Variants in TPTE observed in about 807,000 individuals in gnomAD.
TPTE encodes the protein putative tyrosine-protein phosphatase TPTE.
In TPTE, 59 loss-of-function variants were observed where a neutral mutation model predicts 84.1. The observed-to-expected ratio is 0.70, with a 90% CI of 0.57 to 0.87. The LOEUF (loss-of-function observed/expected upper bound fraction) is 0.87. Ranked by LOEUF, TPTE falls within the 40% of genes least tolerant of loss-of-function variation. The pLI, the probability that TPTE is intolerant of heterozygous loss-of-function variation, is 0.00. For synonymous variants in TPTE, 130 were observed against 223.5 expected (o/e 0.58, Z 3.73); for missense variants, 382 against 659.6 (o/e 0.58, Z 4.61).
intron 15 of TPTE, 152 bp from the exon 16 acceptor site, chr21:10,578,185 C>G: frequency 7.8e-7 from 1 of 1,285,892 alleles, no homozygotes; most frequent in Non-Finnish European, 1.1e-6. Flanking sequence ...TTTTGAAACG[C>G]TTGCGTTTAT....
chr21:10,605,526 A>G lies in TPTE; in HGVS notation c.1630A>G (p.Ser544Gly), dbSNP rs571598993. 3.2e-5 allele frequency: 52 copies of G among 1,613,958 alleles called. No individual in the cohort carries two copies. In the East Asian group the frequency reaches 1.1e-3, roughly 34 times the overall value. Residue 544 changes from serine (S) to glycine (G), a missense_variant, in exon 24 of 24, where the codon AGT becomes GGT. Ser to Gly is a moderately conservative substitution (Grantham distance 56, BLOSUM62 0). This residue lies in a region of TPTE where 120 missense variants were observed against 79.1 expected (regional missense o/e 1.52). Transcript: ENST00000618007. ...EILFGEKMTS[S>G]DVVAGSD ...ACTTTTTGGCGAGAAAATGACTTCCAGTGATGTTGTAGCTGGATCCGATTA... is the reference window on the plus strand; with the variant it reads ...ACTTTTTGGCGAGAAAATGACTTCCGGTGATGTTGTAGCTGGATCCGATTA...
intron 8 of TPTE, 137 bp downstream of exon 8, chr21:10,552,853 C>T (rs1310053004): frequency 6.9e-7 from 1 of 1,447,766 alleles, no homozygotes; most frequent in Non-Finnish European, 9.4e-7. Flanking sequence ...GGAGTGTACA[C>T]CGTATTTACT....
intron 17 of TPTE, among the ~76,000 whole-genome samples, chr21:10,583,776 A>G (rs2075310778): frequency 6.6e-6 from 1 of 152,312 alleles, no homozygotes; most frequent in African/African-American, 2.4e-5. Context: ...ATGGCTATCC[A>G]GTTATTCCAG....
intron 1 of TPTE, among the ~76,000 whole-genome samples, chr21:10,522,717 T>G (rs1175471834): frequency 1.3e-5 from 2 of 152,310 alleles, no homozygotes; most frequent in Non-Finnish European, 2.9e-5. Flanking sequence ...TGAAGTTTAT[T>G]TTTTCTTATA....
At chr21:10,522,591 A>T (rs545561465) in intron 1 of TPTE, among the ~76,000 whole-genome samples, 1 of 152,424 alleles carries the variant, frequency 6.6e-6, no homozygotes, top group South Asian at 2.1e-4. Context: ...TCTCTAATAG[A>T]TAGTGATGAT....
At chr21:10,594,563 C>T (rs1167579569) in intron 19 of TPTE, among the ~76,000 whole-genome samples, 1 of 152,312 alleles carries the variant, frequency 6.6e-6, no homozygotes, top group Admixed American at 6.5e-5. Flanking sequence ...AGCTTGAGGG[C>T]CCTGGTGGTT....
At chr21:10,534,936 T>C (rs1373702067) in intron 3 of TPTE, among the ~76,000 whole-genome samples, 2 of 152,392 alleles carry the variant, frequency 1.3e-5, no homozygotes, top group South Asian at 4.2e-4. Context: ...AGGGCTGCTT[T>C]AAAAAAGTAT....
intron 17 of TPTE, among the ~76,000 whole-genome samples, chr21:10,584,274 TG>T (rs2075322214): frequency 6.6e-6 from 1 of 151,962 alleles, no homozygotes; most frequent in African/African-American, 2.4e-5. Context: ...AAATGTTTTT[TG>T]TTGTTTTAAA....
intron 17 of TPTE, among the ~76,000 whole-genome samples, chr21:10,580,074 G>A (rs1194009373): frequency 1.3e-5 from 2 of 152,308 alleles, no homozygotes; most frequent in Non-Finnish European, 2.9e-5. Flanking sequence ...ATATCTCTTT[G>A]TGGTTTTAAT....
chr21:10,554,122 A>C (rs2074633315), intron 8 of TPTE, among the ~76,000 whole-genome samples: 1 of 152,298 alleles, frequency 6.6e-6, no homozygotes, highest in African/African-American at 2.4e-5. Flanking sequence ...TAACCTTATT[A>C]ATGACATCAT....
At chr21:10,553,254 A>G (rs1023365690) in intron 8 of TPTE, among the ~76,000 whole-genome samples, 2 of 152,304 alleles carry the variant, frequency 1.3e-5, no homozygotes, top group East Asian at 3.8e-4. Context: ...ATGAAACAAT[A>G]CATTCTTAAA....
At position 10,561,021 on chromosome 21, in the gene TPTE, T is replaced by A. The variant is rs2074789760; in HGVS notation, c.285-9T>A. 1.9e-6 allele frequency: 3 copies of A among 1,606,798 alleles called. No homozygotes were observed. The highest frequency in any genetic ancestry group is 8.5e-7 in the Non-Finnish European group (1 of 1,178,158). ...TTTATTTATTTATTTATTTATTTGT[T>A]TATTTTAGACTATTTGGAGTTTTCC... On this transcript the variant is annotated splice_polypyrimidine_tract_variant and intron_variant, in intron 9 of 23. Coordinates refer to ENST00000618007, the MANE Select transcript of TPTE (RefSeq NM_199261.4).
At chr21:10,605,166 G>GATGTC (rs1400950711) in intron 23 of TPTE, among the ~76,000 whole-genome samples, 1 of 152,304 alleles carries the variant, frequency 6.6e-6, no homozygotes, top group African/African-American at 2.4e-5. Flanking sequence ...ATTAAACTTG[G>GATGTC]ATGTCATTAA....
At chr21:10,561,318 C>T (rs576970110) in intron 10 of TPTE, 127 bp downstream of exon 10, 614 of 1,286,924 alleles carry the variant, frequency 4.8e-4, no homozygotes, top group Non-Finnish European at 2.5e-5. Context: ...ATGGTGAAAC[C>T]CCGTCTCTAC....
intron 7 of TPTE, among the ~76,000 whole-genome samples, chr21:10,546,390 C>G: frequency 6.6e-6 from 1 of 152,308 alleles, no homozygotes. Flanking sequence ...TTCCCTGAGA[C>G]ACAACAATAT....
chr21:10,524,405 T>G (rs1276896714), intron 1 of TPTE, among the ~76,000 whole-genome samples, 175 bp from the exon 2 acceptor site: 1 of 152,304 alleles, frequency 6.6e-6, no homozygotes, highest in Non-Finnish European at 1.5e-5. Flanking sequence ...GGACAACCCG[T>G]GGGTGTAAGG....
At chr21:10,538,315 G>A (rs1016816916) in intron 3 of TPTE, among the ~76,000 whole-genome samples, 2 of 151,688 alleles carry the variant, frequency 1.3e-5, no homozygotes, top group African/African-American at 2.4e-5. Flanking sequence ...ATCAAGTGAA[G>A]AAGTAATGGA....
intron 21 of TPTE, among the ~76,000 whole-genome samples, chr21:10,600,732 TC>T (rs1978377587): frequency 6.6e-6 from 1 of 152,312 alleles, no homozygotes; most frequent in African/African-American, 2.4e-5. Flanking sequence ...TTTGTGTTTT[TC>T]ACAGGGCCTA....
chr21:10,579,091 A>AT (rs2075222320), intron 17 of TPTE, among the ~76,000 whole-genome samples: 1 of 152,312 alleles, frequency 6.6e-6, no homozygotes, highest in Non-Finnish European at 1.5e-5. Context: ...TACTCCACAT[A>AT]TTTTTGTGTG....
Sources: allele counts gnomAD v4.1 joint callset (sites outside exome capture counted in the v4.1 genomes callset), GRCh38; gene constraint gnomAD v4.1.1; regional missense constraint gnomAD v4.1.1; transcripts MANE v1.5; gene names NCBI Gene and HGNC (gene_info 2026-07-23, HGNC 2026-07-21).